The following TSPAN18 variants were observed in gnomAD, a reference collection of about 807,000 sequenced individuals.
TSPAN18 encodes tetraspanin-18.
Under a neutral mutation model 27.3 loss-of-function variants are expected in TSPAN18, and 14 were observed. The ratio of observed to expected loss-of-function variants is 0.51; its 90% CI spans 0.34 to 0.80. TSPAN18 has a LOEUF of 0.80. Ranked by LOEUF, TSPAN18 falls within the 30% of genes least tolerant of loss-of-function variation. The pLI is 0.01. For missense variants in TSPAN18, 268 were observed against 323.9 expected, an observed-to-expected ratio of 0.83 and a Z score of 1.32; for synonymous variants, 143 against 136.5, an observed-to-expected ratio of 1.05 and a Z score of -0.33.
At chr11:44,897,961 T>A in intron 3 of TSPAN18, 1 of 933,876 alleles carries the variant, frequency 1.1e-6, no homozygotes, top group Non-Finnish European at 1.5e-6. Flanking sequence ...TCCCTCTCTT[T>A]CTGACTTGGC....
intron 2 of TSPAN18, among the ~76,000 whole-genome samples, chr11:44,797,475 T>C (rs1244776429): frequency 2.0e-5 from 3 of 152,016 alleles, no homozygotes; most frequent in Non-Finnish European, 4.4e-5. Context: ...TTCTGAGCGA[T>C]GTGAGGGATG....
At chr11:44,880,852 G>A (rs1053591962) in intron 3 of TSPAN18, among the ~76,000 whole-genome samples, 5 of 152,356 alleles carry the variant, frequency 3.3e-5, no homozygotes, top group African/African-American at 4.8e-5. Flanking sequence ...GGGCAGCACC[G>A]CTCAATGCTG....
At chr11:44,926,924 A>T (rs1860382034) in intron 9 of TSPAN18, among the ~76,000 whole-genome samples, 167 bp downstream of exon 9, 2 of 152,124 alleles carry the variant, frequency 1.3e-5, no homozygotes, top group African/African-American at 2.4e-5. Context: ...GTGCTGCCTG[A>T]GAGTCATTCT....
chr11:44,856,134 C>T (rs1043861326), intron 2 of TSPAN18, among the ~76,000 whole-genome samples: 1 of 152,130 alleles, frequency 6.6e-6, no homozygotes, highest in Non-Finnish European at 1.5e-5. Context: ...CTACCCGCCT[C>T]AGCCTCCTAA....
chr11:44,763,749 G>A (rs1305493422), intron 1 of TSPAN18, among the ~76,000 whole-genome samples: 8 of 152,104 alleles, frequency 5.3e-5, no homozygotes, highest in Admixed American at 4.6e-4. Flanking sequence ...TAGGCTCCGG[G>A]CTGACTTGGG....
At chr11:44,861,165 G>A (rs899369478) in intron 3 of TSPAN18, among the ~76,000 whole-genome samples, 2 of 152,060 alleles carry the variant, frequency 1.3e-5, no homozygotes, top group East Asian at 3.9e-4. Flanking sequence ...CTCTCCATGT[G>A]GCCGCAGGGC....
At chr11:44,884,031 GTC>G (rs979996467) in intron 3 of TSPAN18, among the ~76,000 whole-genome samples, 1 of 152,104 alleles carries the variant, frequency 6.6e-6, no homozygotes, top group Non-Finnish European at 1.5e-5. Context: ...CTGCCATACC[GTC>G]TCTTCCCCAG....
chr11:44,778,381 C>T (rs918820443), intron 2 of TSPAN18, among the ~76,000 whole-genome samples: 3 of 152,056 alleles, frequency 2.0e-5, no homozygotes, highest in African/African-American at 4.8e-5. Flanking sequence ...TCTTTTTCCC[C>T]GCAGACATCA....
At chr11:44,802,268 G>C (rs1416477399) in intron 2 of TSPAN18, among the ~76,000 whole-genome samples, 3 of 151,538 alleles carry the variant, frequency 2.0e-5, no homozygotes, top group Non-Finnish European at 4.4e-5. Flanking sequence ...AGACACAAAG[G>C]CTCTGAGATG....
intron 5 of TSPAN18, among the ~76,000 whole-genome samples, chr11:44,912,071 G>C (rs2135346083): frequency 6.6e-6 from 1 of 151,444 alleles, no homozygotes; most frequent in African/African-American, 2.4e-5. Flanking sequence ...GCCCAAGCTG[G>C]TGTGCAGCAG....
In TSPAN18 at chr11:44,782,622, C is replaced by T. The variant is rs539444853; in HGVS notation, c.-153+18110C>T. On this transcript the variant is annotated intron_variant, in intron 2 of 9. Coordinates refer to ENST00000520358, the MANE Select transcript of TSPAN18 (RefSeq NM_130783.5). ...AAAATGCTTGTATTGTTTTTCACTC[C>T]CATCAGCTGTGTACTAGAGTTCCAG... Among the ~76,000 whole-genome samples the T allele has an allele frequency of 2.0e-5, 3 of 152,134 alleles. No individual in the cohort carries two copies. In the East Asian group the frequency reaches 5.8e-4, roughly 29 times the overall value.
chr11:44,870,452 C>T (rs1858163406), intron 3 of TSPAN18, among the ~76,000 whole-genome samples: 1 of 152,192 alleles, frequency 6.6e-6, no homozygotes, highest in Non-Finnish European at 1.5e-5. Flanking sequence ...TGGAAGAGCT[C>T]ATCGAGGCCC....
At chr11:44,731,627 TGTGTGTGA>T (rs1274414796) in intron 1 of TSPAN18, among the ~76,000 whole-genome samples, 4 of 84,576 alleles carry the variant, frequency 4.7e-5, no homozygotes, top group African/African-American at 1.6e-4. Context: ...TGTGTGTGTG[TGTGTGTGA>T]GAGAGAGAGA....
At chr11:44,857,204 G>A (rs546350549) in intron 2 of TSPAN18, among the ~76,000 whole-genome samples, 89 of 152,308 alleles carry the variant, frequency 5.8e-4, no homozygotes, top group African/African-American at 2.1e-3. Flanking sequence ...CTGTTTCCTG[G>A]GTTATCTTGA....
chr11:44,926,027 A>C (rs529830152), intron 8 of TSPAN18, among the ~76,000 whole-genome samples: 16 of 152,268 alleles, frequency 1.1e-4, no homozygotes, highest in African/African-American at 3.9e-4. Flanking sequence ...TTGCTTAAGA[A>C]AGCAGTAAGA....
intron 1 of TSPAN18, among the ~76,000 whole-genome samples, chr11:44,742,644 C>T (rs926601259): frequency 5.3e-5 from 8 of 152,096 alleles, no homozygotes; most frequent in Non-Finnish European, 1.0e-4. Context: ...CTCGGGCCTG[C>T]TCTGTCCCTC....
intron 2 of TSPAN18, among the ~76,000 whole-genome samples, chr11:44,801,965 A>C (rs768352508): frequency 6.6e-6 from 1 of 152,080 alleles, no homozygotes; most frequent in African/African-American, 2.4e-5. Context: ...CTGGGAGGTC[A>C]AGACTGCAGT....
intron 2 of TSPAN18, among the ~76,000 whole-genome samples, chr11:44,829,532 C>A (rs954251317): frequency 5.3e-5 from 8 of 151,998 alleles, no homozygotes; most frequent in African/African-American, 1.9e-4. Flanking sequence ...TTCTTTTTAT[C>A]CCTGAATAAT....
At chr11:44,919,354 G>C in intron 7 of TSPAN18, 42 bp downstream of exon 7, 1 of 1,536,752 alleles carries the variant, frequency 6.5e-7, no homozygotes, top group Non-Finnish European at 9.0e-7. Context: ...TCAGAGCCAC[G>C]ATGCCCAGTG....
Sources: allele counts gnomAD v4.1 joint callset (sites outside exome capture counted in the v4.1 genomes callset), GRCh38; gene constraint gnomAD v4.1.1; transcripts MANE v1.5; gene names NCBI Gene and HGNC (gene_info 2026-07-23, HGNC 2026-07-21).